The following ADAMTSL1 variants were observed in gnomAD, a reference collection of about 807,000 sequenced individuals.
ADAMTSL1 encodes ADAMTS like 1.
Under a neutral mutation model 201.8 loss-of-function variants are expected in ADAMTSL1, and 126 were observed. The observed-to-expected ratio is 0.62, with a 90% CI of 0.54 to 0.72. ADAMTSL1 has a LOEUF of 0.72. Among genes scored for constraint, ADAMTSL1 ranks in the 30% least tolerant of loss-of-function variants. The pLI is 0.00. For synonymous variants in ADAMTSL1, 1,121 were observed against 903.4 expected, an observed-to-expected ratio of 1.24 and a Z score of -4.32; for missense variants, 2,679 against 2,277.8, an observed-to-expected ratio of 1.18 and a Z score of -3.59.
chr9:18,662,014 A>G lies in ADAMTSL1; in HGVS notation c.1026A>G (p.Pro342=), dbSNP rs73433591. Reference sequence around the variant, plus strand: ...CTGACCAATACTGTCACTATTACCCAGAGAACATCAAACCCAAACCCAAGC... The same window carrying G: ...CTGACCAATACTGTCACTATTACCCGGAGAACATCAAACCCAAACCCAAGC... ...VVADQYCHYY[P]ENIKPKPKLQ... Residue 342 remains proline (P), a synonymous_variant, in exon 9 of 29, where the codon CCA becomes CCG. Transcript: ENST00000380548. The G allele has an allele frequency of 1.1e-3, 1,816 of 1,614,118 alleles. 12 individuals carry two copies. The African/African-American group carries it at 0.022, about 19-fold the overall frequency.
At chr9:18,742,039 T>C (rs1450640307) in intron 15 of ADAMTSL1, among the ~76,000 whole-genome samples, 1 of 152,102 alleles carries the variant, frequency 6.6e-6, no homozygotes, top group Non-Finnish European at 1.5e-5. Flanking sequence ...ATCTGACGCA[T>C]AGCCATCTTC....
At chr9:18,588,900 TATAC>T (rs1419733590) in intron 4 of ADAMTSL1, among the ~76,000 whole-genome samples, 1 of 131,932 alleles carries the variant, frequency 7.6e-6, no homozygotes, top group African/African-American at 2.7e-5. Flanking sequence ...TATATATATA[TATAC>T]ATATATATAC....
At chr9:18,446,189 C>G (rs994355676) in intron 2 of ADAMTSL1, among the ~76,000 whole-genome samples, 6 of 152,106 alleles carry the variant, frequency 3.9e-5, no homozygotes, top group African/African-American at 1.2e-4. Flanking sequence ...AAAAGAAACT[C>G]CACAGTGATC....
At chr9:18,758,106 C>T (rs1819875862) in intron 16 of ADAMTSL1, among the ~76,000 whole-genome samples, 1 of 152,222 alleles carries the variant, frequency 6.6e-6, no homozygotes. Flanking sequence ...ATTCGCTGCA[C>T]TTGGCCTCTC....
chr9:17,982,252 A>G (rs1218182478), intron 1 of ADAMTSL1, among the ~76,000 whole-genome samples: 1 of 152,150 alleles, frequency 6.6e-6, no homozygotes, highest in African/African-American at 2.4e-5. Flanking sequence ...ATTCAATCAA[A>G]TATCAATATC....
At chr9:18,214,399 A>C (rs1829991651) in intron 2 of ADAMTSL1, among the ~76,000 whole-genome samples, 1 of 152,212 alleles carries the variant, frequency 6.6e-6, no homozygotes, top group African/African-American at 2.4e-5. Flanking sequence ...ATTCTTTGGA[A>C]CAATTCAGAG....
intron 2 of ADAMTSL1, among the ~76,000 whole-genome samples, chr9:18,519,503 T>G (rs1482528597): frequency 2.6e-5 from 4 of 152,260 alleles, no homozygotes; most frequent in African/African-American, 9.6e-5. Context: ...TTCAAATTCC[T>G]TCTGTATTTA....
intron 1 of ADAMTSL1, among the ~76,000 whole-genome samples, chr9:18,019,933 T>A (rs1049193533): frequency 1.3e-5 from 2 of 152,102 alleles, no homozygotes; most frequent in African/African-American, 4.8e-5. Flanking sequence ...GTTCCCTGGT[T>A]AGATGTTAGA....
rs563126023 is a variant in ADAMTSL1 at position 18,515,537 on chromosome 9, G to T, written c.191+10581G>T. On this transcript the variant is annotated intron_variant, in intron 2 of 28. Coordinates refer to ENST00000380548, the MANE Select transcript of ADAMTSL1 (RefSeq NM_001040272.6). Reference sequence around the variant, plus strand: ...TTTTGTAGAGACAGGGTTTCACTATGTTGGCCAGGCTGGTGTCTCCCTCGT... The same window carrying T: ...TTTTGTAGAGACAGGGTTTCACTATTTTGGCCAGGCTGGTGTCTCCCTCGT... Among the ~76,000 whole-genome samples the T allele has an allele frequency of 2.0e-5, 3 of 152,274 alleles. No homozygotes were observed. The South Asian group carries it at 6.2e-4, about 32-fold the overall frequency.
At chr9:18,776,582 A>G (rs1413874339) in intron 18 of ADAMTSL1, among the ~76,000 whole-genome samples, 199 bp from the exon 19 acceptor site, 1 of 152,144 alleles carries the variant, frequency 6.6e-6, no homozygotes, top group African/African-American at 2.4e-5. Context: ...TCCTCCCGAA[A>G]AACACAGGCA....
intron 1 of ADAMTSL1, among the ~76,000 whole-genome samples, chr9:17,927,289 C>T (rs1016840715): frequency 6.6e-6 from 1 of 152,084 alleles, no homozygotes; most frequent in African/African-American, 2.4e-5. Context: ...TGTATATGTA[C>T]ATGTGTATGT....
intron 3 of ADAMTSL1, among the ~76,000 whole-genome samples, chr9:18,558,628 AG>A (rs1821264434): frequency 6.6e-6 from 1 of 152,210 alleles, no homozygotes; most frequent in African/African-American, 2.4e-5. Flanking sequence ...TTCCATCAAC[AG>A]TGTAAAAGTG....
At chr9:18,022,340 C>T (rs1820511511) in intron 1 of ADAMTSL1, among the ~76,000 whole-genome samples, 1 of 152,154 alleles carries the variant, frequency 6.6e-6, no homozygotes, top group Non-Finnish European at 1.5e-5. Context: ...AAGCTGCTGT[C>T]CTGTATTGTT....
At chr9:18,835,721 A>G (rs544281195) in intron 23 of ADAMTSL1, among the ~76,000 whole-genome samples, 10 of 151,914 alleles carry the variant, frequency 6.6e-5, no homozygotes, top group Non-Finnish European at 8.8e-5. Flanking sequence ...TGAGTACCCA[A>G]TGTTTAGTTC....
chr9:18,895,177 G>A (rs1012795218), intron 26 of ADAMTSL1, among the ~76,000 whole-genome samples: 11 of 152,174 alleles, frequency 7.2e-5, no homozygotes, highest in African/African-American at 2.7e-4. Flanking sequence ...AGTGCTTCCA[G>A]GGACACATTA....
chr9:18,688,530 T>G (rs928596420), intron 13 of ADAMTSL1, among the ~76,000 whole-genome samples: 2 of 149,520 alleles, frequency 1.3e-5, no homozygotes, highest in African/African-American at 4.9e-5. Flanking sequence ...TAGCCAGGCA[T>G]GGTGGTGTGT....
intron 3 of ADAMTSL1, among the ~76,000 whole-genome samples, chr9:18,570,746 G>A (rs141622927): frequency 6.6e-6 from 1 of 152,084 alleles, no homozygotes; most frequent in African/African-American, 2.4e-5. Flanking sequence ...CTGAACTCCA[G>A]GTTTAAATGC....
intron 1 of ADAMTSL1, among the ~76,000 whole-genome samples, chr9:18,162,673 A>G (rs1323740168): frequency 6.6e-6 from 1 of 152,138 alleles, no homozygotes; most frequent in East Asian, 1.9e-4. Context: ...TTTATTATGC[A>G]TTATTTTCAA....
chr9:18,484,080 T>C (rs1821867174), intron 1 of ADAMTSL1, among the ~76,000 whole-genome samples: 1 of 152,352 alleles, frequency 6.6e-6, no homozygotes, highest in African/African-American at 2.4e-5. Flanking sequence ...GTGCTAGCTT[T>C]CTTTCCTCCC....
Sources: allele counts gnomAD v4.1 joint callset (sites outside exome capture counted in the v4.1 genomes callset), GRCh38; gene constraint gnomAD v4.1.1; transcripts MANE v1.5; gene names NCBI Gene and HGNC (gene_info 2026-07-23, HGNC 2026-07-21).